ZNF362: variants seen among roughly 807,000 people sequenced by gnomAD.
ZNF362 encodes rotund homolog.
A neutral mutation model predicts 42.9 loss-of-function variants in ZNF362; 11 were observed. The observed-to-expected ratio is 0.26, with a 90% CI of 0.16 to 0.42. The LOEUF is 0.42. Among genes scored for constraint, ZNF362 ranks in the 20% least tolerant of loss-of-function variants. The pLI is 1.00. For missense variants in ZNF362, 362 were observed against 576.2 expected, an observed-to-expected ratio of 0.63 and a Z score of 3.81; for synonymous variants, 255 against 257.3, an observed-to-expected ratio of 0.99 and a Z score of 0.09.
chr1:33,163,712 G>C, the ZNF362 span: 1 of 152,386 alleles, frequency 6.6e-6, no homozygotes, highest in Non-Finnish European at 1.5e-5. Context: ...AAGGAAAACA[G>C]AGGGCCTGAG....
chr1:33,145,231 A>C, the ZNF362 span, among the ~76,000 whole-genome samples: 2 of 152,168 alleles, frequency 1.3e-5, no homozygotes, highest in East Asian at 3.9e-4. Flanking sequence ...ATGGGACCCC[A>C]GGTAAGTCTT....
At position 33,300,492 on chromosome 1, in the gene ZNF362, A is replaced by G. The variant is rs917135370; in HGVS notation, c.*1446A>G. ...TAGTTACCTTATTAAAAAAGAAAAA[A>G]CAGTCTGTTGGCTTCTCAGTCTGCA... On this transcript the variant is annotated 3_prime_UTR_variant, in exon 9 of 9. Coordinates refer to ENST00000539719, the MANE Select transcript of ZNF362 (RefSeq NM_152493.3). The G allele has an allele frequency of 1.3e-5, 2 of 152,386 alleles. No individual in the cohort carries two copies. Among genetic ancestry groups the G allele is most frequent in the Admixed American group, 6.5e-5 (1 of 15,272 alleles). 9.4% of individuals were successfully genotyped at this position (152,386 alleles called of 1,614,324 possible). A position where few individuals can be genotyped will look rare whatever the true frequency, so the allele number is the denominator to read the frequency against.
In ZNF362 at chr1:33,280,532, G is replaced by C; in HGVS notation, c.683+75G>C. On this transcript the variant is annotated intron_variant, in intron 5 of 8. Transcript: ENST00000539719. The surrounding 1 kb of genome is among the most constrained non-coding windows in gnomAD (Gnocchi z 5.6). Reference sequence around the variant, plus strand: ...GAGCCAGGGCTGCTCCAGGAGCCCAGCAGCGGGGCTGAAACAGGACCCTTA... The same window carrying C: ...GAGCCAGGGCTGCTCCAGGAGCCCACCAGCGGGGCTGAAACAGGACCCTTA... 1 of 1,471,590 alleles carries C rather than the reference G, an allele frequency of 6.8e-7. No homozygotes were observed. Among genetic ancestry groups the C allele is most frequent in the South Asian group, 1.4e-5 (1 of 72,532 alleles). 91.2% of individuals were successfully genotyped at this position (1,471,590 alleles called of 1,614,324 possible).
chr1:33,236,231 C>A, the ZNF362 span, among the ~76,000 whole-genome samples: 3 of 151,934 alleles, frequency 2.0e-5, no homozygotes, highest in African/African-American at 7.3e-5. Context: ...CCAGCACACA[C>A]ATAAATCGAA....
the ZNF362 span, chr1:33,165,485 G>C: frequency 1.9e-6 from 3 of 1,606,510 alleles, no homozygotes; most frequent in Middle Eastern, 1.9e-4. The surrounding 1 kb of genome is among the most constrained non-coding windows in gnomAD (Gnocchi z 4.0). Flanking sequence ...GTCTCCGCCA[G>C]TTGTCGCTTG....
At chr1:33,129,525 A>G in the ZNF362 span, among the ~76,000 whole-genome samples, 1 of 152,140 alleles carries the variant, frequency 6.6e-6, no homozygotes, top group African/African-American at 2.4e-5. The surrounding 1 kb of genome is among the most constrained non-coding windows in gnomAD (Gnocchi z 4.1). Context: ...AGTGTTACAT[A>G]TATGTTTACG....
the ZNF362 span, among the ~76,000 whole-genome samples, chr1:33,187,558 G>C: frequency 6.6e-6 from 1 of 152,190 alleles, no homozygotes; most frequent in African/African-American, 2.4e-5. Flanking sequence ...CTGATGCTCA[G>C]CTTCCGACTC....
chr1:33,165,472 T>A, the ZNF362 span: 7 of 1,599,320 alleles, frequency 4.4e-6, no homozygotes, highest in South Asian at 7.9e-5. This position sits in a 1 kb window ranked among gnomAD's most constrained non-coding sequence, Gnocchi z 4.0. Flanking sequence ...CAGGCTCACC[T>A]TGGTCTCCGC....
chr1:33,239,706 C>T, the ZNF362 span, among the ~76,000 whole-genome samples: 1 of 152,088 alleles, frequency 6.6e-6, no homozygotes, highest in Non-Finnish European at 1.5e-5. Flanking sequence ...ATGGGGGAAC[C>T]GCCCCCATGA....
chr1:33,223,678 C>T, the ZNF362 span, among the ~76,000 whole-genome samples: 123 of 152,004 alleles, frequency 8.1e-4, no homozygotes, highest in African/African-American at 2.4e-3. Context: ...GAATCACCTG[C>T]GGTCAGGAGT....
chr1:33,134,250 C>T, the ZNF362 span, among the ~76,000 whole-genome samples: 1 of 152,214 alleles, frequency 6.6e-6, no homozygotes, highest in South Asian at 2.1e-4. Context: ...TTGATCCTCA[C>T]AGCAACCCAG....
intron 6 of ZNF362, among the ~76,000 whole-genome samples, chr1:33,292,381 C>T (rs573941067): frequency 3.9e-5 from 6 of 152,250 alleles, no homozygotes; most frequent in African/African-American, 1.4e-4. Context: ...TATTGATTTG[C>T]GTATGTTGAA....
At chr1:33,265,905 C>T (rs186818751) in intron 1 of ZNF362, among the ~76,000 whole-genome samples, 12 of 152,348 alleles carry the variant, frequency 7.9e-5, no homozygotes, top group Admixed American at 7.8e-4. Context: ...AATTCCTGCA[C>T]TATACCCCTG....
In ZNF362 at chr1:33,280,385, G is replaced by T. The variant is rs759680624; in HGVS notation, c.611G>T (p.Gly204Val). 7 of 1,613,488 alleles carry T rather than the reference G, an allele frequency of 4.3e-6. No homozygotes were observed. Among genetic ancestry groups the T allele is most frequent in the Admixed American group, 1.7e-5 (1 of 59,982 alleles). The stretch of plus-strand genomic sequence containing the variant: ...AAGATCAAGGCGGAGAACCCGGGGG[G>T]TCCGCCTGTCCTTGTAGTCCCCTAT... ...RKKIKAENPG[G>V]PPVLVVPYPI... The change falls in exon 5 of 9, where the codon GGT becomes GTT. Residue 204 changes from glycine (G) to valine (V), a missense_variant. This residue lies in a region of ZNF362 where 266 missense variants were observed against 365.4 expected (regional missense o/e 0.73). Coordinates refer to ENST00000539719, the MANE Select transcript of ZNF362 (RefSeq NM_152493.3). This position sits in a 1 kb window ranked among gnomAD's most constrained non-coding sequence, Gnocchi z 5.6.
the ZNF362 span, among the ~76,000 whole-genome samples, chr1:33,213,279 C>T: frequency 6.6e-6 from 1 of 152,130 alleles, no homozygotes; most frequent in Non-Finnish European, 1.5e-5. Context: ...CAGGCATGAG[C>T]CACTACGCCC....
the ZNF362 span, among the ~76,000 whole-genome samples, chr1:33,189,657 A>ATATATATATATATATATG: frequency 9.8e-6 from 1 of 102,006 alleles, no homozygotes; most frequent in East Asian, 3.3e-4. Context: ...ATATATATAT[A>ATATATATATATATATATG]TATATATATA....
At chr1:33,222,671 C>G in the ZNF362 span, among the ~76,000 whole-genome samples, 3 of 152,216 alleles carry the variant, frequency 2.0e-5, no homozygotes, top group African/African-American at 7.2e-5. Context: ...TCATTTCAGC[C>G]TCAGGGCACT....
At chr1:33,190,077 A>G in the ZNF362 span, among the ~76,000 whole-genome samples, 3 of 152,138 alleles carry the variant, frequency 2.0e-5, no homozygotes, top group Admixed American at 1.3e-4. Context: ...TCTCCTGTGT[A>G]CAGTTACTGT....
chr1:33,296,976 G>T (rs1646129323), intron 8 of ZNF362, among the ~76,000 whole-genome samples: 1 of 152,030 alleles, frequency 6.6e-6, no homozygotes, highest in Non-Finnish European at 1.5e-5. Flanking sequence ...GGCAGGGAAG[G>T]TATTTTTGCA....
Sources: gnomAD v4.1 joint callset for allele counts (sites outside exome capture counted in the v4.1 genomes callset) on GRCh38, gnomAD v4.1.1 for gene constraint, gnomAD v4.1.1 regional missense constraint, Gnocchi (gnomAD v3.1) non-coding constraint, MANE v1.5 for transcripts, NCBI Gene and HGNC (gene_info 2026-07-23, HGNC 2026-07-21) for gene names.